TBC1D22A: variants seen among roughly 807,000 people sequenced by gnomAD.
TBC1D22A encodes the protein putative GTPase activator.
A neutral mutation model predicts 60.2 loss-of-function variants in TBC1D22A; 38 were observed. The ratio of observed to expected loss-of-function variants is 0.63; its 90% CI spans 0.49 to 0.83. The LOEUF is 0.83. Ranked by LOEUF, TBC1D22A falls within the 40% of genes least tolerant of loss-of-function variation. The probability of loss-of-function intolerance (pLI) is 0.00; values close to 1 mark genes in which losing one functional copy is unlikely to be tolerated. For missense variants in TBC1D22A, 628 were observed against 701.0 expected (o/e 0.90, Z 1.18); for synonymous variants, 302 against 281.7 (o/e 1.07, Z -0.72).
chr22:47,110,078 T>G (rs2065791577), intron 11 of TBC1D22A, among the ~76,000 whole-genome samples: 2 of 152,230 alleles, frequency 1.3e-5, no homozygotes, highest in Admixed American at 6.5e-5. Flanking sequence ...CGTTCTGCGG[T>G]AGCTGTGCTG....
At chr22:47,002,194 G>A (rs1301432827) in intron 10 of TBC1D22A, among the ~76,000 whole-genome samples, 4 of 152,300 alleles carry the variant, frequency 2.6e-5, no homozygotes, top group Non-Finnish European at 2.9e-5. Flanking sequence ...TTTCCACTCC[G>A]TATTACATCG....
At chr22:46,809,581 G>GC (rs1041861204) in intron 4 of TBC1D22A, among the ~76,000 whole-genome samples, 9 of 152,148 alleles carry the variant, frequency 5.9e-5, no homozygotes, top group African/African-American at 2.2e-4. Flanking sequence ...CTGACCCTTA[G>GC]CATCTCGGGG....
intron 8 of TBC1D22A, among the ~76,000 whole-genome samples, chr22:46,942,619 A>G (rs1350341796): frequency 6.6e-6 from 1 of 152,168 alleles, no homozygotes; most frequent in African/African-American, 2.4e-5. Context: ...GCACATGTCA[A>G]TTAGGAAGAG....
At chr22:46,934,400 C>T (rs552236132) in intron 8 of TBC1D22A, among the ~76,000 whole-genome samples, 3 of 152,234 alleles carry the variant, frequency 2.0e-5, no homozygotes, top group South Asian at 2.1e-4. Flanking sequence ...TTCTCAGTGC[C>T]GTAAACTCGG....
chr22:46,879,275 G>A (rs1008217263), intron 5 of TBC1D22A, among the ~76,000 whole-genome samples: 5 of 151,532 alleles, frequency 3.3e-5, no homozygotes, highest in Admixed American at 2.0e-4. Context: ...CTCAGCTGCC[G>A]GTCTGGAAGT....
At chr22:47,131,480 G>C (rs1410714978) in intron 12 of TBC1D22A, among the ~76,000 whole-genome samples, 1 of 152,218 alleles carries the variant, frequency 6.6e-6, no homozygotes, top group Non-Finnish European at 1.5e-5. Flanking sequence ...GAGCTCTGCG[G>C]CTGCTCCAGC....
At chr22:46,808,282 C>T (rs1026775365) in intron 4 of TBC1D22A, among the ~76,000 whole-genome samples, 15 of 151,964 alleles carry the variant, frequency 9.9e-5, no homozygotes, top group East Asian at 7.8e-4. Flanking sequence ...TGCTTGAACC[C>T]GGGAGGCAGA....
intron 4 of TBC1D22A, among the ~76,000 whole-genome samples, chr22:46,840,905 C>G (rs1398073923): frequency 2.6e-5 from 4 of 152,112 alleles, no homozygotes; most frequent in Non-Finnish European, 5.9e-5. Context: ...AATCCCACTT[C>G]TGGGTATATA....
chr22:47,056,025 T>G (rs2063383012), intron 11 of TBC1D22A, among the ~76,000 whole-genome samples: 1 of 147,062 alleles, frequency 6.8e-6, no homozygotes, highest in African/African-American at 2.5e-5. Context: ...TGAGCAGGGC[T>G]CCCGTCATCA....
chr22:46,991,293 C>T (rs774611345), intron 9 of TBC1D22A, among the ~76,000 whole-genome samples: 1 of 152,156 alleles, frequency 6.6e-6, no homozygotes, highest in Non-Finnish European at 1.5e-5. Context: ...CGAGCCCCGT[C>T]CTTGGCCCTG....
At chr22:47,064,143 A>G (rs2063679340) in intron 11 of TBC1D22A, among the ~76,000 whole-genome samples, 1 of 152,204 alleles carries the variant, frequency 6.6e-6, no homozygotes, top group Non-Finnish European at 1.5e-5. Flanking sequence ...CTCGCTGTGG[A>G]CAGGCCCTCG....
intron 1 of TBC1D22A, among the ~76,000 whole-genome samples, chr22:46,781,709 C>T (rs149384119): frequency 1.1e-3 from 171 of 152,310 alleles, no homozygotes; most frequent in African/African-American, 3.8e-3. Flanking sequence ...CCCTCCCTGG[C>T]CTGCCCCGGA....
chr22:46,971,693 A>G (rs971657291), intron 8 of TBC1D22A, among the ~76,000 whole-genome samples: 5 of 152,280 alleles, frequency 3.3e-5, no homozygotes, highest in African/African-American at 1.2e-4. Flanking sequence ...CACTCCCACC[A>G]TTGCCTCACA....
intron 8 of TBC1D22A, among the ~76,000 whole-genome samples, chr22:46,960,308 C>T (rs958402980): frequency 1.3e-5 from 2 of 151,868 alleles, no homozygotes; most frequent in Admixed American, 1.3e-4. Context: ...GTTGCCCAGG[C>T]TGGACTGCAG....
At chr22:47,018,810 G>A (rs973027600) in intron 10 of TBC1D22A, among the ~76,000 whole-genome samples, 4 of 152,124 alleles carry the variant, frequency 2.6e-5, no homozygotes, top group Non-Finnish European at 4.4e-5. Flanking sequence ...GATCCTGGGT[G>A]GGACGAGTGG....
chr22:46,866,055 A>G lies in TBC1D22A; in HGVS notation c.638-12598A>G, dbSNP rs527282359. On this transcript the variant is annotated intron_variant, in intron 4 of 12. Transcript: ENST00000337137. ...AATTGATGAATAGAAGTTAATGAAA[A>G]ATTAAAAACCAGTGCATAAAGCCAA... is the stretch of plus-strand genomic sequence containing the variant. Among the ~76,000 whole-genome samples, 39 of 152,278 alleles carry G rather than the reference A, an allele frequency of 2.6e-4. 1 individual carries two copies. The East Asian group carries it at 6.4e-3, about 25-fold the overall frequency.
At chr22:46,792,775 G>A (rs773459693) in intron 2 of TBC1D22A, 199 bp downstream of exon 2, 2 of 1,462,296 alleles carry the variant, frequency 1.4e-6, no homozygotes, top group Admixed American at 2.4e-5. Context: ...GAAGACGGCG[G>A]ATGTGGGAGC....
chr22:46,995,959 G>C (rs1243419162), intron 9 of TBC1D22A, among the ~76,000 whole-genome samples: 1 of 152,170 alleles, frequency 6.6e-6, no homozygotes, highest in Non-Finnish European at 1.5e-5. Flanking sequence ...TCAGTCTTTC[G>C]ACTTCCCTCC....
intron 11 of TBC1D22A, among the ~76,000 whole-genome samples, chr22:47,070,467 G>C (rs984548999): frequency 3.5e-5 from 5 of 142,740 alleles, no homozygotes; most frequent in Non-Finnish European, 6.0e-5. Flanking sequence ...GGTTGGAGCG[G>C]AGCTGACCTG....
Sources: allele counts gnomAD v4.1 joint callset (sites outside exome capture counted in the v4.1 genomes callset), GRCh38; gene constraint gnomAD v4.1.1; transcripts MANE v1.5; gene names NCBI Gene and HGNC (gene_info 2026-07-23, HGNC 2026-07-21).